The following BTG4 variants were observed in gnomAD, a reference collection of about 807,000 sequenced individuals.
BTG4 encodes BTG anti-proliferation factor 4.
A neutral mutation model predicts 19.3 loss-of-function variants in BTG4; 10 were observed. That is an observed-to-expected ratio of 0.52 (90% confidence interval 0.32 to 0.88). The LOEUF (loss-of-function observed/expected upper bound fraction) is 0.88, where lower values mean the gene tolerates loss of function less well. Ranked by LOEUF, BTG4 falls within the 40% of genes least tolerant of loss-of-function variation. The pLI is 0.04. For synonymous variants in BTG4, 91 were observed against 95.7 expected (o/e 0.95, Z 0.29); for missense variants, 238 against 281.9 (o/e 0.84, Z 1.11).
Position 111,476,794 on chromosome 11 carries a change from C to T in BTG4, c.663-9113G>A, listed in dbSNP as rs554741294. 4.6e-5 allele frequency among the ~76,000 whole-genome samples: 7 copies of T among 152,136 alleles called. 1 individual carries two copies. In the South Asian group the frequency reaches 6.2e-4, roughly 14 times the overall value. ...TAACAGGGAATTCTTAAACAGAGCA[C>T]GCCCTCAAACCAATGCATAACTTTA... On this transcript the variant is annotated intron_variant, in intron 5 of 5. Coordinates refer to the BTG4 transcript ENST00000356018.
downstream of BTG4, chr11:111,466,784 GA>G (rs1378020933): frequency 6.6e-6 from 1 of 152,664 alleles, no homozygotes; most frequent in East Asian, 1.9e-4. Context: ...AGACACTGCA[GA>G]AGGAAGAGTT....
At chr11:111,453,337 CAG>C in the BTG4 span, 22 of 382,906 alleles carry the variant, frequency 5.7e-5, no homozygotes, top group Non-Finnish European at 5.9e-5. Context: ...TGTTTCCTTT[CAG>C]AGTCTTCAGG....
chr11:111,466,443 G>C (rs1454751849), downstream of BTG4, among the ~76,000 whole-genome samples: 1 of 152,150 alleles, frequency 6.6e-6, no homozygotes, highest in Non-Finnish European at 1.5e-5. Context: ...AATGCTCCAA[G>C]CAACTCAAGG....
chr11:111,406,918 T>A, the BTG4 span, among the ~76,000 whole-genome samples: 2 of 152,174 alleles, frequency 1.3e-5, no homozygotes, highest in African/African-American at 4.8e-5. Flanking sequence ...CCTGCCTACC[T>A]CATTTCACAT....
the BTG4 span, chr11:111,456,566 A>G: frequency 2.0e-5 from 9 of 456,298 alleles, no homozygotes; most frequent in Middle Eastern, 3.3e-4. This position sits in a 1 kb window ranked among gnomAD's most constrained non-coding sequence, Gnocchi z 4.2. Flanking sequence ...CCCGTCACCA[A>G]GTTGATGGTC....
chr11:111,495,034 T>G lies in BTG4; in HGVS notation c.*101A>C. The stretch of plus-strand genomic sequence containing the variant: ...TGTACCCTAGTCCCTAATATGGTCA[T>G]TTTTTGTTTCATGGGCCTCTCAACC... On this transcript the variant is annotated 3_prime_UTR_variant, in exon 5 of 5. Transcript: ENST00000692032. 1 of 1,366,768 alleles carries G rather than the reference T, an allele frequency of 7.3e-7. No homozygotes were observed. The allele number at this position is 1,366,768 out of a possible 1,614,324, so 84.7% of individuals were successfully genotyped here.
At chr11:111,498,540 T>G in intron 2 of BTG4, 64 bp downstream of exon 2, 1 of 1,410,436 alleles carries the variant, frequency 7.1e-7, no homozygotes, top group Non-Finnish European at 9.8e-7. Context: ...CACTCCATTT[T>G]CCTAGGAGCT....
intron 5 of BTG4, among the ~76,000 whole-genome samples, chr11:111,489,351 A>G (rs1591494526): frequency 1.3e-5 from 2 of 152,240 alleles, no homozygotes; most frequent in East Asian, 3.8e-4. Context: ...AAACTCCTAC[A>G]GCCACTATGG....
chr11:111,422,337 C>T, the BTG4 span, among the ~76,000 whole-genome samples: 1 of 152,188 alleles, frequency 6.6e-6, no homozygotes, highest in African/African-American at 2.4e-5. Flanking sequence ...CACACTGACA[C>T]ACTTCTGCTG....
the BTG4 span, among the ~76,000 whole-genome samples, chr11:111,424,949 C>T: frequency 5.3e-5 from 8 of 152,072 alleles, no homozygotes; most frequent in Admixed American, 4.6e-4. Context: ...AAAACAAGCC[C>T]GGTCCCCAAG....
the BTG4 span, among the ~76,000 whole-genome samples, chr11:111,392,991 C>G: frequency 1.3e-5 from 2 of 152,182 alleles, 1 homozygote; most frequent in Admixed American, 1.3e-4. Context: ...TGAGGGGAGT[C>G]TTATGGTACT....
the BTG4 span, among the ~76,000 whole-genome samples, chr11:111,427,008 CA>C: frequency 6.6e-6 from 1 of 152,208 alleles, no homozygotes; most frequent in Admixed American, 6.5e-5. Context: ...CAACTCCCCA[CA>C]AGGATATTAT....
intron 1 of BTG4, among the ~76,000 whole-genome samples, chr11:111,507,140 G>A (rs1866512826): frequency 6.6e-6 from 1 of 151,584 alleles, no homozygotes; most frequent in Non-Finnish European, 1.5e-5. Flanking sequence ...CAGACACAGA[G>A]TGATGTTTAA....
chr11:111,400,144 C>A, the BTG4 span, among the ~76,000 whole-genome samples: 1 of 152,144 alleles, frequency 6.6e-6, no homozygotes, highest in Non-Finnish European at 1.5e-5. Flanking sequence ...ACTGGCTGGG[C>A]AACCTCGGAA....
chr11:111,398,853 A>C, the BTG4 span, among the ~76,000 whole-genome samples: 1 of 152,102 alleles, frequency 6.6e-6, no homozygotes, highest in East Asian at 1.9e-4. Flanking sequence ...AACGTATCAT[A>C]AGTGATATTG....
At chr11:111,421,068 G>A in the BTG4 span, among the ~76,000 whole-genome samples, 1 of 152,332 alleles carries the variant, frequency 6.6e-6, no homozygotes, top group East Asian at 1.9e-4. Flanking sequence ...CTTATGCAAA[G>A]GCCTTAAGGC....
At chr11:111,415,273 A>T in the BTG4 span, among the ~76,000 whole-genome samples, 1 of 152,166 alleles carries the variant, frequency 6.6e-6, no homozygotes, top group Non-Finnish European at 1.5e-5. Flanking sequence ...AATTTTGATC[A>T]CTTTTCCCTC....
chr11:111,443,976 G>A, the BTG4 span, among the ~76,000 whole-genome samples: 6 of 152,296 alleles, frequency 3.9e-5, no homozygotes, highest in Non-Finnish European at 5.9e-5. Flanking sequence ...CATTTAAAAC[G>A]GACATGTGCC....
the BTG4 span, among the ~76,000 whole-genome samples, chr11:111,422,556 C>T: frequency 6.6e-6 from 1 of 152,186 alleles, no homozygotes; most frequent in East Asian, 1.9e-4. Flanking sequence ...AAGGATGTGT[C>T]CTTTGACCTT....
Sources: gnomAD v4.1 joint callset for allele counts (sites outside exome capture counted in the v4.1 genomes callset) on GRCh38, gnomAD v4.1.1 for gene constraint, Gnocchi (gnomAD v3.1) non-coding constraint, MANE v1.5 for transcripts, NCBI Gene and HGNC (gene_info 2026-07-23, HGNC 2026-07-21) for gene names.